Variants in GARIN2 observed in about 807,000 individuals in gnomAD.
GARIN2 encodes the protein golgi associated RAB2 interactor family member 2, also known as Golgi-associated RAB2 interactor protein 2.
the GARIN2 span, chr14:67,208,521 C>G: frequency 5.0e-5 from 73 of 1,472,232 alleles, no homozygotes; most frequent in Non-Finnish European, 6.5e-5. Flanking sequence ...GTGCTTTAGT[C>G]TCTTAACTCA....
the GARIN2 span, among the ~76,000 whole-genome samples, chr14:67,193,951 A>AAACAAAAAAAAAAC: frequency 1.4e-5 from 2 of 139,714 alleles, no homozygotes; most frequent in African/African-American, 5.7e-5. Context: ...TCTCAAAAAA[A>AAACAAAAAAAAAAC]AACAAAAAAA....
chr14:67,198,251 A>G, the GARIN2 span: 2,750 of 1,613,902 alleles, frequency 1.7e-3, 33 homozygotes, highest in African/African-American at 0.025. Flanking sequence ...GAGATCTTCA[A>G]AATATGTTGG....
the GARIN2 span, among the ~76,000 whole-genome samples, chr14:67,212,625 T>TTATATATAATATATATTACATA: frequency 2.1e-5 from 3 of 145,126 alleles, no homozygotes; most frequent in East Asian, 5.9e-4. Flanking sequence ...GTAATATATA[T>TTATATATAATATATATTACATA]TATATATAAT....
chr14:67,209,820 A>G, the GARIN2 span, among the ~76,000 whole-genome samples: 33 of 136,084 alleles, frequency 2.4e-4, no homozygotes, highest in Middle Eastern at 3.7e-3. Context: ...TCCATCTCGG[A>G]AAAAAAAAAA....
At chr14:67,203,353 T>A in the GARIN2 span, 1 of 1,371,944 alleles carries the variant, frequency 7.3e-7, no homozygotes, top group African/African-American at 1.5e-5. Flanking sequence ...GCCCTGTGGA[T>A]CTGAAAACGG....
At chr14:67,225,962 TGCGCGCGCGC>T in the GARIN2 span, among the ~76,000 whole-genome samples, 4 of 113,520 alleles carry the variant, frequency 3.5e-5, no homozygotes, top group East Asian at 3.3e-4. Flanking sequence ...TGTGTGTGTG[TGCGCGCGCGC>T]GCGTGCGCAT....
chr14:67,190,342 G>A, the GARIN2 span, among the ~76,000 whole-genome samples: 1 of 151,306 alleles, frequency 6.6e-6, no homozygotes, highest in Admixed American at 6.6e-5. Flanking sequence ...TCGTGCCTCA[G>A]CCTCCCAAGT....
chr14:67,224,620 T>G, the GARIN2 span: 7 of 294,640 alleles, frequency 2.4e-5, no homozygotes, highest in East Asian at 8.3e-4. Context: ...CTCCTTAACT[T>G]TTAAATTTTT....
the GARIN2 span, among the ~76,000 whole-genome samples, chr14:67,220,257 A>G: frequency 4.1e-4 from 62 of 152,196 alleles, no homozygotes; most frequent in Non-Finnish European, 1.5e-5. Context: ...GCAATATGTC[A>G]AGACCCTGTC....
the GARIN2 span, chr14:67,198,458 A>C: frequency 1.3e-6 from 1 of 788,734 alleles, no homozygotes; most frequent in Non-Finnish European, 2.0e-6. Context: ...CAGTTTGGGA[A>C]CTTTAAAAAA....
At chr14:67,202,380 G>A in the GARIN2 span, among the ~76,000 whole-genome samples, 1 of 152,140 alleles carries the variant, frequency 6.6e-6, no homozygotes, top group Non-Finnish European at 1.5e-5. Flanking sequence ...GGCAGAGGTT[G>A]TAGTAAGCCG....
chr14:67,211,156 A>G, the GARIN2 span, among the ~76,000 whole-genome samples: 1 of 152,240 alleles, frequency 6.6e-6, no homozygotes, highest in African/African-American at 2.4e-5. Context: ...TCTACCATGT[A>G]GAATTGCTAT....
the GARIN2 span, among the ~76,000 whole-genome samples, chr14:67,213,200 CATGTGCACA>C: frequency 8.1e-5 from 12 of 148,544 alleles, no homozygotes; most frequent in Admixed American, 4.1e-4. Flanking sequence ...TTTTAGGGTA[CATGTGCACA>C]ATGTGCAGGT....
At chr14:67,206,322 A>C in the GARIN2 span, among the ~76,000 whole-genome samples, 684 of 151,944 alleles carry the variant, frequency 4.5e-3, 3 homozygotes, top group African/African-American at 0.016. Context: ...ACATGGCAAA[A>C]CCCTGTCTCT....
At chr14:67,193,730 C>G in the GARIN2 span, among the ~76,000 whole-genome samples, 1 of 147,816 alleles carries the variant, frequency 6.8e-6, no homozygotes, top group East Asian at 2.0e-4. Context: ...ATCACTTGAG[C>G]CCAGGAGTTT....
chr14:67,203,228 A>G, the GARIN2 span: 1 of 1,613,054 alleles, frequency 6.2e-7, no homozygotes, highest in East Asian at 2.2e-5. Context: ...GTGCCCAAAA[A>G]GATACAGAAA....
the GARIN2 span, among the ~76,000 whole-genome samples, chr14:67,214,839 C>T: frequency 6.6e-6 from 1 of 152,200 alleles, no homozygotes; most frequent in East Asian, 1.9e-4. Flanking sequence ...TCTTTGATTT[C>T]ATTGAGCAGT....
At chr14:67,216,265 A>T in the GARIN2 span, among the ~76,000 whole-genome samples, 2 of 151,998 alleles carry the variant, frequency 1.3e-5, no homozygotes, top group African/African-American at 4.8e-5. Context: ...ATCTATATTC[A>T]TCTGGGATAC....
At chr14:67,225,958 T>TGCGC in the GARIN2 span, among the ~76,000 whole-genome samples, 1 of 130,176 alleles carries the variant, frequency 7.7e-6, no homozygotes, top group African/African-American at 3.4e-5. Flanking sequence ...TGTGTGTGTG[T>TGCGC]GTGTGCGCGC....
Sources: gnomAD v4.1 joint callset for allele counts (sites outside exome capture counted in the v4.1 genomes callset) on GRCh38, gnomAD v4.1.1 for gene constraint, MANE v1.5 for transcripts, NCBI Gene and HGNC (gene_info 2026-07-23, HGNC 2026-07-21) for gene names.